Variants in XIRP2 observed in about 807,000 individuals in gnomAD.
XIRP2 encodes the protein xin actin binding repeat containing 2, also known as xin actin-binding repeat-containing protein 2.
In XIRP2, 236 loss-of-function variants were observed where a neutral mutation model predicts 277.0. The ratio of observed to expected loss-of-function variants is 0.85; its 90% CI spans 0.77 to 0.95. The LOEUF is 0.95. Ranked by LOEUF, XIRP2 falls within the 40% of genes least tolerant of loss-of-function variation. The pLI is 0.00. For missense variants in XIRP2, 4,640 were observed against 4,157.5 expected (o/e 1.12, Z -3.19); for synonymous variants, 1,490 against 1,416.5 (o/e 1.05, Z -1.17).
At chr2:166,909,096 G>A (rs1299719292) in intron 2 of XIRP2, among the ~76,000 whole-genome samples, 1 of 152,172 alleles carries the variant, frequency 6.6e-6, no homozygotes, top group Non-Finnish European at 1.5e-5. Context: ...TCTTGGCAAT[G>A]TGGGCCCTTT....
intron 2 of XIRP2, among the ~76,000 whole-genome samples, chr2:167,012,687 T>G (rs548388222): frequency 1.3e-5 from 2 of 151,732 alleles, no homozygotes; most frequent in East Asian, 3.9e-4. Context: ...AATGGTTATT[T>G]TAGCCACAGA....
chr2:166,893,003 C>T (rs1684147011), intron 1 of XIRP2, among the ~76,000 whole-genome samples: 1 of 150,974 alleles, frequency 6.6e-6, no homozygotes. Flanking sequence ...CACACACACA[C>T]ACACAACACC....
At chr2:166,933,153 A>G (rs943464397) in intron 2 of XIRP2, among the ~76,000 whole-genome samples, 4 of 144,558 alleles carry the variant, frequency 2.8e-5, no homozygotes, top group Non-Finnish European at 4.6e-5. Flanking sequence ...TTATATATCA[A>G]TTTTTTTTTT....
intron 3 of XIRP2, among the ~76,000 whole-genome samples, chr2:167,147,432 A>G (rs1691893302): frequency 6.6e-6 from 1 of 152,140 alleles, no homozygotes; most frequent in African/African-American, 2.4e-5. Flanking sequence ...TTATGCCGAC[A>G]ATGTGATTTA....
chr2:167,247,846 A>C lies in XIRP2; in HGVS notation c.6454A>C (p.Ile2152Leu). 1 of 1,613,566 alleles carries C rather than the reference A, an allele frequency of 6.2e-7. No individual in the cohort carries two copies. The highest frequency in any genetic ancestry group is 1.1e-5 in the South Asian group (1 of 91,040). ...TCCTAAAAAGACCAAAAATATTAAA[A>C]TATTAACTGATACACAAAGCTCCAA... ...KSPKKTKNIKILTDTQSSKPS... is the reference protein window; with the variant it reads ...KSPKKTKNIKLLTDTQSSKPS... Residue 2152 changes from isoleucine (I) to leucine (L), a missense_variant, in exon 9 of 11, where the codon ATA (isoleucine) becomes CTA (leucine). Transcript: ENST00000409195.
rs945589058 is a variant in XIRP2 at position 167,244,127 on chromosome 2, A to C, written c.2735A>C (p.Gln912Pro). 2.5e-6 allele frequency: 4 copies of C among 1,613,918 alleles called. No homozygotes were observed. In the African/African-American group the frequency reaches 5.3e-5, roughly 22 times the overall value. Residue 912 changes from glutamine (Q) to proline (P), a missense_variant, in exon 9 of 11, where the codon CAA becomes CCA. By Grantham distance (76) the Gln-to-Pro change is moderately conservative (BLOSUM62 -1). Coordinates refer to ENST00000409195, the MANE Select transcript of XIRP2 (RefSeq NM_152381.6). ...GAAGAAAAAGGGGATGTTAGGCATCAAAAATGGATTTTTGAAACCCAACCT... is the reference window on the plus strand; with the variant it reads ...GAAGAAAAAGGGGATGTTAGGCATCCAAAATGGATTTTTGAAACCCAACCT... Reference protein sequence around the residue: ...SEEEKGDVRHQKWIFETQPLE... With the variant: ...SEEEKGDVRHPKWIFETQPLE...
chr2:166,936,286 G>A (rs1179164170), intron 2 of XIRP2, among the ~76,000 whole-genome samples: 2 of 151,978 alleles, frequency 1.3e-5, no homozygotes, highest in African/African-American at 4.8e-5. Context: ...AAATTTGTTT[G>A]AGTTCTTTGT....
At chr2:167,081,962 A>C (rs1300314567) in intron 2 of XIRP2, among the ~76,000 whole-genome samples, 1 of 128,954 alleles carries the variant, frequency 7.8e-6, no homozygotes, top group African/African-American at 2.8e-5. Flanking sequence ...TTTTATTATT[A>C]TACTTTAAGT....
chr2:167,099,719 C>A (rs927323071), intron 2 of XIRP2, among the ~76,000 whole-genome samples: 1 of 152,134 alleles, frequency 6.6e-6, no homozygotes, highest in Non-Finnish European at 1.5e-5. Flanking sequence ...AGCACCATCC[C>A]TCACGGCAGG....
At chr2:167,093,480 C>G (rs926195427) in intron 2 of XIRP2, among the ~76,000 whole-genome samples, 3 of 151,970 alleles carry the variant, frequency 2.0e-5, no homozygotes, top group African/African-American at 7.3e-5. Context: ...CCCCAACTCC[C>G]CAACAGGCCC....
At chr2:167,014,636 A>G (rs960589361) in intron 2 of XIRP2, among the ~76,000 whole-genome samples, 1 of 151,780 alleles carries the variant, frequency 6.6e-6, no homozygotes, top group African/African-American at 2.4e-5. Flanking sequence ...AAAAGGAAAT[A>G]CATTATAAAA....
At position 167,078,680 on chromosome 2, in the gene XIRP2, C is replaced by CA. The variant is rs1225987521; in HGVS notation, c.409-57223dup. On this transcript the variant is annotated intron_variant, in intron 2 of 10. Transcript: ENST00000409195. ...TGAAACCCTGTCTCTACTAAAATTA[C>CA]AAAAAATTAGCAAGGGCATGGTGGC... Among the ~76,000 whole-genome samples, 6 of 151,756 alleles carry CA rather than the reference C, an allele frequency of 4.0e-5. No homozygotes were observed. In the East Asian group the frequency reaches 7.8e-4, roughly 20 times the overall value.
At chr2:167,117,108 A>G (rs1690916961) in intron 2 of XIRP2, among the ~76,000 whole-genome samples, 1 of 152,208 alleles carries the variant, frequency 6.6e-6, no homozygotes, top group African/African-American at 2.4e-5. Context: ...AACAATAGTA[A>G]GAGGCATAAA....
At chr2:166,960,514 A>G (rs1686272855) in intron 2 of XIRP2, among the ~76,000 whole-genome samples, 1 of 151,712 alleles carries the variant, frequency 6.6e-6, no homozygotes, top group East Asian at 1.9e-4. Context: ...ACTCTTGGAA[A>G]GGAATGAGCT....
chr2:167,089,240 A>G (rs568295171), intron 2 of XIRP2, among the ~76,000 whole-genome samples: 2 of 152,272 alleles, frequency 1.3e-5, no homozygotes, highest in African/African-American at 2.4e-5. Flanking sequence ...CACTTTTCCA[A>G]TAGCAAAGAC....
intron 3 of XIRP2, among the ~76,000 whole-genome samples, chr2:167,183,873 A>G (rs1693086000): frequency 6.6e-6 from 1 of 152,174 alleles, no homozygotes; most frequent in Non-Finnish European, 1.5e-5. Flanking sequence ...GAGATATTAA[A>G]TCTTTCCTCT....
chr2:166,988,218 T>C (rs1354546436), intron 2 of XIRP2, among the ~76,000 whole-genome samples: 1 of 152,178 alleles, frequency 6.6e-6, no homozygotes. Context: ...GTTGTATTAT[T>C]GCCAAATACC....
intron 2 of XIRP2, among the ~76,000 whole-genome samples, chr2:166,941,360 A>G (rs760014901): frequency 9.2e-5 from 14 of 152,226 alleles, no homozygotes; most frequent in Non-Finnish European, 1.8e-4. Context: ...TCCCTTGGCT[A>G]GGAAAGGAAA....
intron 2 of XIRP2, among the ~76,000 whole-genome samples, chr2:166,925,621 A>G (rs1253127964): frequency 2.1e-5 from 3 of 143,678 alleles, no homozygotes; most frequent in East Asian, 2.0e-4. Flanking sequence ...ATATATATAT[A>G]TATATACATA....
Sources: gnomAD v4.1 joint callset for allele counts (sites outside exome capture counted in the v4.1 genomes callset) on GRCh38, gnomAD v4.1.1 for gene constraint, MANE v1.5 for transcripts, NCBI Gene and HGNC (gene_info 2026-07-23, HGNC 2026-07-21) for gene names.